Variants in DYNC2H1 observed in about 807,000 individuals in gnomAD.
DYNC2H1 encodes the protein dynein cytoplasmic 2 heavy chain 1, also known as cytoplasmic dynein 2 heavy chain 1.
DYNC2H1 carries 410 observed loss-of-function variants against 570.0 expected under a neutral mutation model. The observed-to-expected ratio is 0.72, with a 90% confidence interval of 0.66 to 0.78. The LOEUF is 0.78. Among genes scored for constraint, DYNC2H1 ranks in the 30% least tolerant of loss-of-function variants. The probability of loss-of-function intolerance (pLI) is 0.00; values close to 1 mark genes in which losing one functional copy is unlikely to be tolerated. For missense variants in DYNC2H1, 4,865 were observed against 5,046.4 expected (o/e 0.96, Z 1.09); for synonymous variants, 1,688 against 1,677.6 (o/e 1.01, Z -0.15).
chr11:103,361,297 C>T (rs554888305), intron 83 of DYNC2H1, among the ~76,000 whole-genome samples: 27 of 152,298 alleles, frequency 1.8e-4, no homozygotes, highest in Admixed American at 4.6e-4. Flanking sequence ...TCCCTTACCC[C>T]TTCCTCCACG....
intron 82 of DYNC2H1, among the ~76,000 whole-genome samples, chr11:103,351,309 G>A (rs1327121296): frequency 6.6e-6 from 1 of 152,156 alleles, no homozygotes; most frequent in Non-Finnish European, 1.5e-5. Flanking sequence ...TAAACTGCAT[G>A]TCCTTTTGAA....
At chr11:103,413,036 A>G (rs1480915178) in intron 84 of DYNC2H1, among the ~76,000 whole-genome samples, 2 of 152,134 alleles carry the variant, frequency 1.3e-5, no homozygotes, top group African/African-American at 4.8e-5. Flanking sequence ...ACTGAATCAG[A>G]AACTCCCAGT....
chr11:103,271,357 A>G (rs7118322), intron 70 of DYNC2H1, among the ~76,000 whole-genome samples: 1 of 152,148 alleles, frequency 6.6e-6, no homozygotes, highest in Non-Finnish European at 1.5e-5. Context: ...GCATAAAATT[A>G]TTCATGAAAA....
At chr11:103,223,509 T>A (rs996589879) in intron 59 of DYNC2H1, among the ~76,000 whole-genome samples, 1 of 151,738 alleles carries the variant, frequency 6.6e-6, no homozygotes, top group East Asian at 2.0e-4. Flanking sequence ...TGTCTCAGCC[T>A]CCCGAGTAGC....
chr11:103,156,782 G>A lies in DYNC2H1; in HGVS notation c.4127+12G>A, dbSNP rs1389021840. ...GATGAAGATTTTAGGTCAGTACAAT[G>A]ATGTAAGACATAGACACATATGGTA... is the stretch of plus-strand genomic sequence containing the variant. On this transcript the variant is annotated intron_variant, in intron 26 of 88. Transcript: ENST00000375735. 1.3e-6 allele frequency: 2 copies of A among 1,591,692 alleles called. No individual in the cohort carries two copies. The highest frequency in any genetic ancestry group is 1.7e-6 in the Non-Finnish European group (2 of 1,175,044).
At chr11:103,423,589 G>A (rs1943565385) in intron 84 of DYNC2H1, among the ~76,000 whole-genome samples, 1 of 151,766 alleles carries the variant, frequency 6.6e-6, no homozygotes, top group African/African-American at 2.4e-5. Flanking sequence ...AAGAAAAAGT[G>A]ATACATTGGA....
At chr11:103,352,334 G>T (rs938131098) in intron 82 of DYNC2H1, among the ~76,000 whole-genome samples, 1 of 151,800 alleles carries the variant, frequency 6.6e-6, no homozygotes, top group South Asian at 2.1e-4. Flanking sequence ...TCAATTTTTA[G>T]CATTGCTTCT....
At position 103,256,511 on chromosome 11, in the gene DYNC2H1, G is replaced by C. The variant is rs181102968; in HGVS notation, c.10461+271G>C. On this transcript the variant is annotated intron_variant, in intron 68 of 88. Coordinates refer to ENST00000375735, the MANE Select transcript of DYNC2H1 (RefSeq NM_001377.3). The surrounding 1 kb of genome is among the most constrained non-coding windows in gnomAD (Gnocchi z 4.0). ...TTATCTAAGGTAGAGCTGCAGTTTT[G>C]TACTAAAATTGGAAATGAGTATATT... 6.6e-6 allele frequency among the ~76,000 whole-genome samples: 1 copy of C among 152,248 alleles called. No homozygotes were observed. Among genetic ancestry groups the C allele is most frequent in the Admixed American group, 6.5e-5 (1 of 15,290 alleles).
intron 31 of DYNC2H1, among the ~76,000 whole-genome samples, chr11:103,168,120 C>T (rs12272539): frequency 0.038 from 5,744 of 152,218 alleles, 362 homozygotes; most frequent in African/African-American, 0.13. Context: ...TTTTCTTGCA[C>T]ACTTTTGTGC....
intron 13 of DYNC2H1, among the ~76,000 whole-genome samples, chr11:103,132,963 A>G (rs1358450429): frequency 2.0e-5 from 3 of 152,074 alleles, no homozygotes; most frequent in Non-Finnish European, 4.4e-5. Flanking sequence ...GTTGAGCCTC[A>G]TGAATATTAC....
intron 84 of DYNC2H1, chr11:103,405,068 A>C (rs944071169): frequency 6.6e-6 from 1 of 151,700 alleles, no homozygotes; most frequent in Non-Finnish European, 1.5e-5. Flanking sequence ...TTTTTTCAGA[A>C]TAATATGTTG....
At chr11:103,148,306 G>A (rs1420642321) in intron 19 of DYNC2H1, among the ~76,000 whole-genome samples, 184 bp from the exon 20 acceptor site, 2 of 152,060 alleles carry the variant, frequency 1.3e-5, no homozygotes, top group African/African-American at 4.8e-5. Context: ...AAACTTTCAT[G>A]GGAAGAAATT....
chr11:103,154,377 A>G (rs554811943), intron 22 of DYNC2H1, 74 bp from the exon 23 acceptor site: 1 of 1,328,852 alleles, frequency 7.5e-7, no homozygotes, highest in East Asian at 2.6e-5. Flanking sequence ...ATTGCAGTTA[A>G]GTAACTTAAT....
At chr11:103,122,737 A>C (rs1242479865) in intron 10 of DYNC2H1, 88 bp from the exon 11 acceptor site, 3 of 1,106,580 alleles carry the variant, frequency 2.7e-6, no homozygotes, top group Non-Finnish European at 3.8e-6. Context: ...TAATTTCTGA[A>C]TCACAGATCA....
chr11:103,432,646 A>G (rs946966262), intron 84 of DYNC2H1, among the ~76,000 whole-genome samples: 4 of 135,154 alleles, frequency 3.0e-5, no homozygotes, highest in African/African-American at 8.8e-5. Flanking sequence ...AACAGCAAGC[A>G]ATAAGTCATC....
Position 103,163,093 on chromosome 11 carries a change from T to TACTACTGGGC in DYNC2H1, c.4558_4567dup (p.Arg1523HisfsTer11). On this transcript the variant is annotated frameshift_variant, in exon 30 of 89. Coordinates refer to ENST00000375735, the MANE Select transcript of DYNC2H1 (RefSeq NM_001377.3). LOFTEE classifies it high-confidence loss of function. This position sits in a 1 kb window ranked among gnomAD's most constrained non-coding sequence, Gnocchi z 4.6. ...TGGAACAGTTGTTGAAGGAATGTGT[T>TACTACTGGGC]ACTACTGGGCGAAGTTCTCAAGGTG... 6.2e-7 allele frequency: 1 copy of TACTACTGGGC among 1,613,380 alleles called. No individual in the cohort carries two copies. Among genetic ancestry groups the TACTACTGGGC allele is most frequent in the Non-Finnish European group, 8.5e-7 (1 of 1,179,424 alleles).
chr11:103,263,897 T>TA (rs1377406279), intron 70 of DYNC2H1, among the ~76,000 whole-genome samples: 6 of 151,840 alleles, frequency 4.0e-5, no homozygotes, highest in African/African-American at 1.2e-4. Context: ...GAAAAACTCT[T>TA]AAAAAAATCA....
intron 59 of DYNC2H1, among the ~76,000 whole-genome samples, chr11:103,225,198 G>T (rs1027034893): frequency 1.3e-5 from 2 of 152,062 alleles, no homozygotes. Context: ...CTACTCTGTG[G>T]GTTGTCTGTT....
At chr11:103,160,685 T>A (rs1861054243) in intron 28 of DYNC2H1, among the ~76,000 whole-genome samples, 1 of 152,042 alleles carries the variant, frequency 6.6e-6, no homozygotes, top group Non-Finnish European at 1.5e-5. Context: ...CAGTGAATCC[T>A]GTCACATATA....
Sources: allele counts gnomAD v4.1 joint callset (sites outside exome capture counted in the v4.1 genomes callset), GRCh38; gene constraint gnomAD v4.1.1; non-coding constraint Gnocchi (gnomAD v3.1); transcripts MANE v1.5; gene names NCBI Gene and HGNC (gene_info 2026-07-23, HGNC 2026-07-21).